The following DNAH11 variants were observed in gnomAD, a reference collection of about 807,000 sequenced individuals.
DNAH11 encodes dynein axonemal heavy chain 11.
DNAH11 carries 442 observed loss-of-function variants against 526.0 expected under a neutral mutation model. That is an observed-to-expected ratio of 0.84 (90% CI 0.78 to 0.91). The LOEUF (loss-of-function observed/expected upper bound fraction) is 0.91, where lower values mean the gene tolerates loss of function less well. Ranked by LOEUF, DNAH11 falls within the 40% of genes least tolerant of loss-of-function variation. The pLI is 0.00. For missense variants in DNAH11, 6,989 were observed against 5,448.7 expected (o/e 1.28, Z -8.90); for synonymous variants, 2,461 against 1,935.9 (o/e 1.27, Z -7.12).
chr7:21,558,309 C>T (rs1321765013), intron 2 of DNAH11, among the ~76,000 whole-genome samples: 6 of 152,132 alleles, frequency 3.9e-5, no homozygotes, highest in East Asian at 3.8e-4. Flanking sequence ...TGATGTTTCC[C>T]GTTTCATGGT....
At chr7:21,826,722 G>A (rs1790315016) in intron 65 of DNAH11, among the ~76,000 whole-genome samples, 1 of 152,152 alleles carries the variant, frequency 6.6e-6, no homozygotes, top group Admixed American at 6.5e-5. Flanking sequence ...TACAGGGACT[G>A]TTGAGCTGCC....
chr7:21,751,035 TC>T (rs1391638073), intron 54 of DNAH11, among the ~76,000 whole-genome samples: 1 of 152,040 alleles, frequency 6.6e-6, no homozygotes, highest in Non-Finnish European at 1.5e-5. Context: ...GAAGTAACAC[TC>T]AGATGGGCCG....
intron 44 of DNAH11, among the ~76,000 whole-genome samples, chr7:21,722,634 G>A (rs930500871): frequency 6.6e-6 from 1 of 152,044 alleles, no homozygotes; most frequent in South Asian, 2.1e-4. Flanking sequence ...ATTCTCAGAA[G>A]CCAGATTCCT....
At chr7:21,854,652 C>T (rs559381137) in intron 68 of DNAH11, among the ~76,000 whole-genome samples, 197 bp downstream of exon 68, 2 of 152,072 alleles carry the variant, frequency 1.3e-5, no homozygotes, top group East Asian at 1.9e-4. Flanking sequence ...AAGCAATTCT[C>T]ATGCCTCAGT....
At chr7:21,543,870 C>A (rs1782699663) in intron 1 of DNAH11, 1 of 487,858 alleles carries the variant, frequency 2.0e-6, no homozygotes, top group Admixed American at 4.0e-5. Flanking sequence ...AGAACACCAG[C>A]GCTTTCTTTA....
intron 45 of DNAH11, 67 bp from the exon 46 acceptor site, chr7:21,735,573 A>G (rs1785566050): frequency 1.4e-6 from 2 of 1,403,556 alleles, no homozygotes; most frequent in South Asian, 1.3e-5. Context: ...AAATTTTGGA[A>G]TGCCTCTCTC....
At chr7:21,698,769 A>G (rs1251321445) in intron 36 of DNAH11, among the ~76,000 whole-genome samples, 3 of 152,170 alleles carry the variant, frequency 2.0e-5, no homozygotes, top group African/African-American at 4.8e-5. Context: ...TTGTGCTTCT[A>G]TAAATAGGCA....
At chr7:21,639,168 G>A in intron 28 of DNAH11, 103 bp downstream of exon 28, 2 of 1,374,246 alleles carry the variant, frequency 1.5e-6, no homozygotes, top group Non-Finnish European at 1.9e-6. Context: ...CGTGGGCCAG[G>A]AACTAGAAAA....
At chr7:21,657,035 C>T (rs556743632) in intron 29 of DNAH11, among the ~76,000 whole-genome samples, 2 of 152,290 alleles carry the variant, frequency 1.3e-5, no homozygotes, top group Non-Finnish European at 2.9e-5. Flanking sequence ...GTGGTTGTCA[C>T]TAGCAGGAAC....
chr7:21,795,658 A>G (rs898884707), intron 61 of DNAH11, among the ~76,000 whole-genome samples: 19 of 152,372 alleles, frequency 1.2e-4, no homozygotes, highest in Admixed American at 1.3e-4. Context: ...CCTTTTAGCA[A>G]TCAACGAACG....
At chr7:21,876,993 C>T (rs1009103073) in intron 74 of DNAH11, among the ~76,000 whole-genome samples, 1 of 152,190 alleles carries the variant, frequency 6.6e-6, no homozygotes, top group Non-Finnish European at 1.5e-5. Flanking sequence ...TCCTTTCCCA[C>T]ATCTCCTTGT....
In DNAH11 at chr7:21,765,467, G is replaced by A. The variant is rs1583671166; in HGVS notation, c.8980G>A (p.Val2994Ile). ...CFSPVGRTLR[V>I]RARKFPAIVN... Reference sequence around the variant, plus strand: ...CTCTCCAGTTGGTCGCACGCTGAGAGTTAGAGCTCGGAAGTTCCCAGCCAT... The same window carrying A: ...CTCTCCAGTTGGTCGCACGCTGAGAATTAGAGCTCGGAAGTTCCCAGCCAT... Residue 2994 changes from valine (V) to isoleucine (I), a missense_variant, in exon 55 of 82, where the codon GTT (valine) becomes ATT (isoleucine). Transcript: ENST00000409508. 1 of 1,613,876 alleles carries A rather than the reference G, an allele frequency of 6.2e-7. No homozygotes were observed. Among genetic ancestry groups the A allele is most frequent in the Non-Finnish European group, 8.5e-7 (1 of 1,179,814 alleles).
At chr7:21,823,363 G>C (rs529096811) in intron 65 of DNAH11, among the ~76,000 whole-genome samples, 1 of 151,952 alleles carries the variant, frequency 6.6e-6, no homozygotes, top group South Asian at 2.1e-4. Context: ...CTATAACATA[G>C]CCCAGCCCTT....
intron 55 of DNAH11, among the ~76,000 whole-genome samples, chr7:21,772,925 C>T (rs774633519): frequency 2.0e-5 from 3 of 152,110 alleles, no homozygotes; most frequent in Non-Finnish European, 4.4e-5. Context: ...TGCAATTTTC[C>T]CAAAGACGTC....
At chr7:21,685,090 A>G (rs932609001) in intron 32 of DNAH11, among the ~76,000 whole-genome samples, 1 of 152,186 alleles carries the variant, frequency 6.6e-6, no homozygotes, top group Non-Finnish European at 1.5e-5. Context: ...ACATTTGTGT[A>G]TTGTATAGTT....
chr7:21,752,875 G>T (rs1279255485), intron 54 of DNAH11, among the ~76,000 whole-genome samples: 1 of 151,934 alleles, frequency 6.6e-6, no homozygotes, highest in Non-Finnish European at 1.5e-5. Context: ...ACCACACTTG[G>T]CTAATTTTTT....
At chr7:21,628,190 G>A (rs543496269) in intron 25 of DNAH11, among the ~76,000 whole-genome samples, 6 of 150,108 alleles carry the variant, frequency 4.0e-5, no homozygotes, top group African/African-American at 1.5e-4. Flanking sequence ...TTTTTTTTTT[G>A]ATGGAGTCTT....
At chr7:21,842,789 T>G (rs1015515699) in intron 66 of DNAH11, 41 bp downstream of exon 66, 1 of 1,519,818 alleles carries the variant, frequency 6.6e-7, no homozygotes, top group Non-Finnish European at 8.9e-7. Context: ...AGTCGGCATT[T>G]GCTTTGCACA....
chr7:21,868,073 C>G, intron 72 of DNAH11, 66 bp downstream of exon 72: 2 of 1,325,752 alleles, frequency 1.5e-6, no homozygotes, highest in Non-Finnish European at 2.0e-6. Context: ...CCACCCCTGC[C>G]CTTCTTTTCA....
Sources: allele counts gnomAD v4.1 joint callset (sites outside exome capture counted in the v4.1 genomes callset), GRCh38; gene constraint gnomAD v4.1.1; transcripts MANE v1.5; gene names NCBI Gene and HGNC (gene_info 2026-07-23, HGNC 2026-07-21).